Variants in ETV6 observed in about 807,000 individuals in gnomAD.
ETV6 encodes ETS variant transcription factor 6.
Under a neutral mutation model 51.1 loss-of-function variants are expected in ETV6, and 16 were observed. The ratio of observed to expected loss-of-function variants is 0.31; its 90% CI spans 0.21 to 0.48. The LOEUF is 0.48. ETV6 is among the 20% of genes least tolerant of loss of function. The probability of loss-of-function intolerance (pLI) is 0.99; values close to 1 mark genes in which losing one functional copy is unlikely to be tolerated. For synonymous variants in ETV6, 240 were observed against 224.1 expected, an observed-to-expected ratio of 1.07 and a Z score of -0.64; for missense variants, 458 against 594.8, an observed-to-expected ratio of 0.77 and a Z score of 2.39.
At chr12:11,660,088 T>G (rs1394202866) in intron 1 of ETV6, among the ~76,000 whole-genome samples, 1 of 152,214 alleles carries the variant, frequency 6.6e-6, no homozygotes, top group Non-Finnish European at 1.5e-5. Context: ...AGAAAAATGT[T>G]TGAGGCAATA....
At chr12:11,784,735 C>T (rs138541845) in intron 2 of ETV6, among the ~76,000 whole-genome samples, 111 of 152,200 alleles carry the variant, frequency 7.3e-4, no homozygotes, top group African/African-American at 2.6e-3. Context: ...GAGACAGGCT[C>T]TTGCCTCGGC....
intron 1 of ETV6, among the ~76,000 whole-genome samples, chr12:11,748,446 G>A (rs573728027): frequency 6.6e-6 from 1 of 152,258 alleles, no homozygotes; most frequent in Admixed American, 6.5e-5. Flanking sequence ...TTCCAAAAAT[G>A]CTTTATTTCC....
At chr12:11,847,782 A>G (rs1037977605) in intron 3 of ETV6, among the ~76,000 whole-genome samples, 6 of 152,176 alleles carry the variant, frequency 3.9e-5, no homozygotes, top group African/African-American at 1.2e-4. Context: ...AAGTTTGGCT[A>G]TAAAGGGAGG....
chr12:11,711,017 T>C (rs531697354), intron 1 of ETV6, among the ~76,000 whole-genome samples: 1 of 152,290 alleles, frequency 6.6e-6, no homozygotes, highest in South Asian at 2.1e-4. Flanking sequence ...CAGCTAGACT[T>C]GGTAAATATT....
intron 1 of ETV6, among the ~76,000 whole-genome samples, chr12:11,672,955 A>AGGCTC (rs1864347677): frequency 6.6e-6 from 1 of 152,228 alleles, no homozygotes; most frequent in Admixed American, 6.5e-5. Context: ...TGCTCTGGGA[A>AGGCTC]GGCTGCCTGT....
At chr12:11,890,448 A>G (rs1947269895) in intron 7 of ETV6, among the ~76,000 whole-genome samples, 1 of 151,184 alleles carries the variant, frequency 6.6e-6, no homozygotes, top group African/African-American at 2.4e-5. Context: ...TTTTCCAATA[A>G]TTAGGATTTC....
At chr12:11,674,280 G>T (rs563853835) in intron 1 of ETV6, among the ~76,000 whole-genome samples, 1 of 152,200 alleles carries the variant, frequency 6.6e-6, no homozygotes, top group Non-Finnish European at 1.5e-5. Flanking sequence ...TCAAATGGGC[G>T]TGTGGAGGAA....
At chr12:11,829,871 C>T (rs1176246868) in intron 2 of ETV6, among the ~76,000 whole-genome samples, 1 of 152,156 alleles carries the variant, frequency 6.6e-6, no homozygotes, top group Non-Finnish European at 1.5e-5. Context: ...TTTGGAACTT[C>T]CAATTCCCTA....
intron 5 of ETV6, among the ~76,000 whole-genome samples, chr12:11,872,689 T>A (rs1177449251): frequency 1.3e-5 from 2 of 151,614 alleles, no homozygotes; most frequent in Admixed American, 1.3e-4. Flanking sequence ...AAAGACGGGG[T>A]TTCACCGTGT....
chr12:11,810,043 T>C (rs2136417967), intron 2 of ETV6, among the ~76,000 whole-genome samples: 1 of 152,004 alleles, frequency 6.6e-6, no homozygotes, highest in African/African-American at 2.4e-5. Flanking sequence ...ATGGTCTCAG[T>C]CTCCTGACCT....
Position 11,869,742 on chromosome 12 carries a change from A to G in ETV6, c.782A>G (p.Glu261Gly). Residue 261 changes from glutamate (E) to glycine (G), a missense_variant, in exon 5 of 8, where the codon GAG (glutamate) becomes GGG (glycine). Physicochemically the swap from Glu to Gly is moderately conservative, Grantham distance 98. Coordinates refer to ENST00000396373, the MANE Select transcript of ETV6 (RefSeq NM_001987.5). The surrounding 1 kb of genome is among the most constrained non-coding windows in gnomAD (Gnocchi z 5.0). ...CCGAAGCCATCCAGCCCCCGGCAGG[A>G]GAGCACACGCGTGATCCAGCTGATG... ...SHPKPSSPRQ[E>G]STRVIQLMPS... is the part of the protein sequence containing the mutation. The G allele has an allele frequency of 6.2e-7, 1 of 1,613,762 alleles. No homozygotes were observed. The highest frequency in any genetic ancestry group is 8.5e-7 in the Non-Finnish European group (1 of 1,180,010).
rs978083285 is a variant in ETV6 at position 11,681,418 on chromosome 12, G to A, written c.33+31258G>A. On this transcript the variant is annotated intron_variant, in intron 1 of 7. Coordinates refer to ENST00000396373, the MANE Select transcript of ETV6 (RefSeq NM_001987.5). ...AGTTCAGTGACTTCCATGGAATGAT[G>A]TGGAAAATCAGGAAGTAAGACTGAA... Among the ~76,000 whole-genome samples, 3 of 152,128 alleles carry A rather than the reference G, an allele frequency of 2.0e-5. 1 individual carries two copies. The highest frequency in any genetic ancestry group is 3.8e-4 in the East Asian group (2 of 5,196).
chr12:11,732,756 T>C (rs1369709631), intron 1 of ETV6, among the ~76,000 whole-genome samples: 1 of 152,216 alleles, frequency 6.6e-6, no homozygotes, highest in Non-Finnish European at 1.5e-5. Flanking sequence ...TCCCTGAGCC[T>C]GAACACATGA....
intron 1 of ETV6, among the ~76,000 whole-genome samples, chr12:11,677,638 C>T (rs1254819847): frequency 6.6e-6 from 1 of 152,178 alleles, no homozygotes; most frequent in Non-Finnish European, 1.5e-5. Context: ...TGGACATTAT[C>T]AGAATTATCC....
intron 1 of ETV6, among the ~76,000 whole-genome samples, chr12:11,736,301 A>G (rs1865701638): frequency 6.6e-6 from 1 of 152,246 alleles, no homozygotes. Flanking sequence ...CTTAAAAAAC[A>G]CACACAAACA....
intron 1 of ETV6, among the ~76,000 whole-genome samples, chr12:11,680,499 C>T (rs1371204302): frequency 6.6e-6 from 1 of 152,178 alleles, no homozygotes; most frequent in African/African-American, 2.4e-5. Flanking sequence ...GGACAGGGAC[C>T]ACATCAGGGC....
At chr12:11,793,078 A>C (rs771507663) in intron 2 of ETV6, among the ~76,000 whole-genome samples, 22 of 145,902 alleles carry the variant, frequency 1.5e-4, no homozygotes, top group Non-Finnish European at 2.7e-4. Context: ...CTTTAATTTA[A>C]AAAAAAAAAA....
chr12:11,724,544 A>T (rs1865452976), intron 1 of ETV6, among the ~76,000 whole-genome samples: 1 of 152,202 alleles, frequency 6.6e-6, no homozygotes, highest in Admixed American at 6.5e-5. Context: ...TCTGCTAGAT[A>T]CTAGCAGAGA....
intron 1 of ETV6, among the ~76,000 whole-genome samples, chr12:11,686,220 C>A (rs2120767837): frequency 6.6e-6 from 1 of 152,318 alleles, no homozygotes; most frequent in Admixed American, 6.5e-5. Flanking sequence ...TGCCCGACAT[C>A]AATGCTCTTG....
Sources: gnomAD v4.1 joint callset for allele counts (sites outside exome capture counted in the v4.1 genomes callset) on GRCh38, gnomAD v4.1.1 for gene constraint, Gnocchi (gnomAD v3.1) non-coding constraint, MANE v1.5 for transcripts, NCBI Gene and HGNC (gene_info 2026-07-23, HGNC 2026-07-21) for gene names.